PTMA: variants seen among roughly 807,000 people sequenced by gnomAD.
The protein encoded by PTMA is gene sequence 28.
In PTMA, 4 loss-of-function variants were observed where a neutral mutation model predicts 16.9. The observed-to-expected ratio is 0.24, with a 90% CI of 0.12 to 0.54. PTMA has a LOEUF of 0.54. Among genes scored for constraint, PTMA ranks in the 20% least tolerant of loss-of-function variants. The pLI, the probability that PTMA is intolerant of heterozygous loss-of-function variation, is 0.95. For synonymous variants in PTMA, 58 were observed against 47.9 expected, an observed-to-expected ratio of 1.21 and a Z score of -0.87; for missense variants, 120 against 137.7, an observed-to-expected ratio of 0.87 and a Z score of 0.64.
chr2:231,712,081 A>G (rs1281732601), intron 3 of PTMA, 98 bp downstream of exon 3: 25 of 1,534,116 alleles, frequency 1.6e-5, no homozygotes, highest in Non-Finnish European at 1.9e-5. Flanking sequence ...GGAGTGGGAC[A>G]ATGGTACTTG....
intron 1 of PTMA, among the ~76,000 whole-genome samples, chr2:231,709,565 G>C (rs2106241711): frequency 6.6e-6 from 1 of 152,298 alleles, no homozygotes; most frequent in East Asian, 1.9e-4. Context: ...CACCGTGTGC[G>C]CCGCAGCTCG....
At chr2:231,711,866 C>T (rs747830534) in intron 2 of PTMA, 24 bp from the exon 3 acceptor site, 2 of 1,611,806 alleles carry the variant, frequency 1.2e-6, no homozygotes, top group East Asian at 2.2e-5. Flanking sequence ...CTGGTAATGA[C>T]ATGGCCTGTT....
chr2:231,712,326 G>C, intron 3 of PTMA, 117 bp from the exon 4 acceptor site: 1 of 1,133,360 alleles, frequency 8.8e-7, no homozygotes, highest in Non-Finnish European at 1.3e-6. Flanking sequence ...ATTGGGCCCA[G>C]TTGCAGGCAG....
rs760081138 is a variant in PTMA, at chr2:231,711,313, CTTACTGG to C, written c.46-25_46-19del. 1.8e-5 allele frequency: 29 copies of C among 1,585,210 alleles called. No homozygotes were observed. In the African/African-American group the frequency reaches 1.9e-4, roughly 10 times the overall value. On this transcript the variant is annotated intron_variant, in intron 1 of 4. Transcript: ENST00000409115. Reference sequence around the variant, plus strand: ...TGCTTACCCTGGGTTGCTCAGAAGACTTACTGGTTACTGGTTCCTTCTTCCCTTTTGA... The same window carrying C: ...TGCTTACCCTGGGTTGCTCAGAAGACTTACTGGTTCCTTCTTCCCTTTTGA...
At position 231,712,566 on chromosome 2, in the gene PTMA, C is replaced by T. The variant is rs567297387; in HGVS notation, c.285+50C>T. ...GGGGTTTGGCATCTGGGTCTCCCCACCTGCCTTTAGCTGAGGTGCTCAAGC... is the reference window on the plus strand; with the variant it reads ...GGGGTTTGGCATCTGGGTCTCCCCATCTGCCTTTAGCTGAGGTGCTCAAGC... On this transcript the variant is annotated intron_variant, in intron 4 of 4. Transcript: ENST00000409115. The T allele has an allele frequency of 7.0e-6, 11 of 1,582,486 alleles. 1 individual carries two copies. The Admixed American group carries it at 8.4e-5, about 12-fold the overall frequency.
chr2:231,710,214 G>A (rs1486676843), intron 1 of PTMA: 4 of 1,342,258 alleles, frequency 3.0e-6, no homozygotes, highest in Non-Finnish European at 2.9e-6. Flanking sequence ...TGGCGGCAGT[G>A]GGGCGTCGAG....
In PTMA at chr2:231,708,662, G is replaced by A. The variant is rs199649658; in HGVS notation, c.-45G>A. On this transcript the variant is annotated 5_prime_UTR_variant, in exon 1 of 5. Coordinates refer to ENST00000409115, the MANE Select transcript of PTMA (RefSeq NM_002823.5). ...TTATCGCCAGAGTCCCTGAACTCTC[G>A]CTTTCTTTTTAATCCCCTGCATCGG... The A allele has an allele frequency of 5.4e-5, 87 of 1,598,730 alleles. No homozygotes were observed. The highest frequency in any genetic ancestry group is 7.0e-5 in the Non-Finnish European group (82 of 1,178,906).
intron 2 of PTMA, 81 bp from the exon 3 acceptor site, chr2:231,711,809 T>C: frequency 1.9e-6 from 3 of 1,571,694 alleles, no homozygotes; most frequent in Non-Finnish European, 2.6e-6. Context: ...CAGCCTCTGG[T>C]GGGAGGCCGG....
At position 231,711,214 on chromosome 2, in the gene PTMA, G is replaced by A. The variant is rs531604351; in HGVS notation, c.46-134G>A. 2.1e-5 allele frequency: 15 copies of A among 713,648 alleles called. No individual in the cohort carries two copies. In the Admixed American group the frequency reaches 2.5e-4, roughly 12 times the overall value. The allele number at this position is 713,648 out of a possible 1,614,324, so 44.2% of individuals were successfully genotyped here. A position where few individuals can be genotyped will look rare whatever the true frequency, so the allele number is the denominator to read the frequency against. On this transcript the variant is annotated intron_variant, in intron 1 of 4. Transcript: ENST00000409115. Reference sequence around the variant, plus strand: ...TGGGAGAGGGACCGCAGGGGCATCAGGCCTTTCTCAACATGCGACTCTTAA... The same window carrying A: ...TGGGAGAGGGACCGCAGGGGCATCAAGCCTTTCTCAACATGCGACTCTTAA...
intron 2 of PTMA, 149 bp downstream of exon 2, chr2:231,711,568 A>T (rs1033971804): frequency 1.7e-5 from 13 of 786,472 alleles, no homozygotes; most frequent in Non-Finnish European, 2.5e-5. Flanking sequence ...GCTTTACCCG[A>T]GGCGCGATTA....
At chr2:231,709,196 C>A (rs2048482963) in intron 1 of PTMA, among the ~76,000 whole-genome samples, 1 of 152,164 alleles carries the variant, frequency 6.6e-6, no homozygotes, top group Non-Finnish European at 1.5e-5. Context: ...GCGGCGAGCG[C>A]CCGCCGGCCG....
In PTMA at chr2:231,713,109, ATTTG is replaced by A. The variant is rs4017856; in HGVS notation, c.*264_*267del. 3 of 482,076 alleles carry A rather than the reference ATTTG, an allele frequency of 6.2e-6. No homozygotes were observed. The highest frequency in any genetic ancestry group is 4.0e-5 in the African/African-American group (2 of 50,210). 29.9% of individuals were successfully genotyped at this position (482,076 alleles called of 1,614,324 possible). A position where few individuals can be genotyped will look rare whatever the true frequency, so the allele number is the denominator to read the frequency against. ...TTCTTAAAAGTACTTTAAAAAGGAAATTTGTTTGTATTTTTTATTTACATTTTAT... is the reference window on the plus strand; with the variant it reads ...TTCTTAAAAGTACTTTAAAAAGGAAATTTGTATTTTTTATTTACATTTTAT... On this transcript the variant is annotated 3_prime_UTR_variant, in exon 5 of 5. Coordinates refer to ENST00000409115, the MANE Select transcript of PTMA (RefSeq NM_002823.5).
At chr2:231,712,037 T>C in intron 3 of PTMA, 54 bp downstream of exon 3, 1 of 1,549,308 alleles carries the variant, frequency 6.5e-7, no homozygotes, top group Non-Finnish European at 8.7e-7. Context: ...TGGCCTTGTC[T>C]GGCAGAAGGG....
chr2:231,711,182 A>G (rs11898962), intron 1 of PTMA, 166 bp from the exon 2 acceptor site: 42,927 of 595,418 alleles, frequency 0.072, 6,846 homozygotes, highest in African/African-American at 0.49. Flanking sequence ...TCCTTCCACC[A>G]GACCAGTGGG....
chr2:231,711,754 GTC>G (rs1490504200), intron 2 of PTMA, 134 bp from the exon 3 acceptor site: 2 of 1,472,568 alleles, frequency 1.4e-6, no homozygotes, highest in African/African-American at 1.4e-5. Flanking sequence ...CTGGAGAAGG[GTC>G]TCTGGGGTGG....
At position 231,712,459 on chromosome 2, in the gene PTMA, A is replaced by T; in HGVS notation, c.228A>T (p.Gly76=). 6.2e-7 allele frequency: 1 copy of T among 1,614,064 alleles called. No homozygotes were observed. The highest frequency in any genetic ancestry group is 8.5e-7 in the Non-Finnish European group (1 of 1,179,980). The change falls in exon 4 of 5, where the codon GGA becomes GGT. Residue 76 remains glycine (G), a synonymous_variant. Coordinates refer to ENST00000409115, the MANE Select transcript of PTMA (RefSeq NM_002823.5). ...TCTCTCCAGGTGAGGAAGAGGATGG[A>T]GATGAAGATGAGGAAGCTGAGTCAG... is the stretch of plus-strand genomic sequence containing the variant. The part of the protein sequence containing the change: ...EEEGDGEEED[G]DEDEEAESAT...
intron 1 of PTMA, among the ~76,000 whole-genome samples, chr2:231,709,033 C>G (rs899239285): frequency 1.3e-5 from 2 of 152,174 alleles, no homozygotes; most frequent in African/African-American, 4.8e-5. Context: ...CGAAACTCGT[C>G]TGTGGCCGGT....
intron 1 of PTMA, chr2:231,710,350 T>C (rs532623483): frequency 1.9e-4 from 234 of 1,211,038 alleles, no homozygotes; most frequent in Middle Eastern, 3.2e-4. Context: ...CTGCGCGCGG[T>C]GCGTGCCGAG....
rs550879662 is a variant in PTMA at position 231,712,274 on chromosome 2, C to T, written c.212-169C>T. 2.2e-3 allele frequency among the ~76,000 whole-genome samples: 339 copies of T among 152,258 alleles called. 2 individuals carry two copies. Among genetic ancestry groups the T allele is most frequent in the Non-Finnish European group, 4.1e-3 (280 of 68,008 alleles). On this transcript the variant is annotated intron_variant, in intron 3 of 4. Coordinates refer to ENST00000409115, the MANE Select transcript of PTMA (RefSeq NM_002823.5). ...GGGGTGCAGCTGCTTGGGCCTCTCT[C>T]CTCTGGAGAGTCCCACCTGTGTAGT... is the stretch of plus-strand genomic sequence containing the variant.
Sources: gnomAD v4.1 joint callset for allele counts (sites outside exome capture counted in the v4.1 genomes callset) on GRCh38, gnomAD v4.1.1 for gene constraint, MANE v1.5 for transcripts, NCBI Gene and HGNC (gene_info 2026-07-23, HGNC 2026-07-21) for gene names.